Variants in VEGFC observed in about 807,000 individuals in gnomAD.
The protein encoded by VEGFC is FLT4 ligand DHM.
Under a neutral mutation model 46.1 loss-of-function variants are expected in VEGFC, and 12 were observed. The observed-to-expected ratio is 0.26, with a 90% CI of 0.17 to 0.42. The LOEUF (loss-of-function observed/expected upper bound fraction) is 0.42. Among genes scored for constraint, VEGFC ranks in the 10% least tolerant of loss-of-function variants. The pLI is 1.00. For synonymous variants in VEGFC, 232 were observed against 195.5 expected (o/e 1.19, Z -1.56); for missense variants, 488 against 529.4 (o/e 0.92, Z 0.77).
intron 1 of VEGFC, among the ~76,000 whole-genome samples, chr4:176,746,440 A>G (rs796388566): frequency 5.3e-5 from 8 of 152,196 alleles, no homozygotes; most frequent in African/African-American, 1.9e-4. Context: ...AGCCTTGGCT[A>G]TGCAGTTTTT....
rs373237612 is a variant in VEGFC at position 176,687,906 on chromosome 4, G to C, written c.726C>G (p.Thr242=). Residue 242 remains threonine, a synonymous_variant, in exon 5 of 7, where the codon ACC becomes ACG. Coordinates refer to ENST00000618562, the MANE Select transcript of VEGFC (RefSeq NM_005429.5). ...TLPQCQAANK[T]CPTNYMWNNH... is the part of the protein sequence containing the mutation. ...TATTCCACATGTAATTGGTGGGGCA[G>C]GTCTTGTTCGCTGCCTGACACCTTT... 24 of 1,612,854 alleles carry C rather than the reference G, an allele frequency of 1.5e-5. No individual in the cohort carries two copies. The highest frequency in any genetic ancestry group is 2.0e-5 in the Non-Finnish European group (24 of 1,179,474).
At chr4:176,691,197 GT>G (rs561386059) in intron 4 of VEGFC, among the ~76,000 whole-genome samples, 122 of 152,160 alleles carry the variant, frequency 8.0e-4, no homozygotes, top group African/African-American at 2.8e-3. Context: ...ATGGATAGAG[GT>G]TTAGTAAAAT....
intron 1 of VEGFC, among the ~76,000 whole-genome samples, chr4:176,780,828 G>A (rs1301877698): frequency 6.6e-6 from 1 of 152,100 alleles, no homozygotes; most frequent in East Asian, 1.9e-4. Context: ...ACAGATAGAA[G>A]AATAAATGTC....
At chr4:176,757,130 G>A (rs1328456304) in intron 1 of VEGFC, among the ~76,000 whole-genome samples, 1 of 152,022 alleles carries the variant, frequency 6.6e-6, no homozygotes, top group Non-Finnish European at 1.5e-5. Flanking sequence ...GACAGAGTAT[G>A]TTAACAGGTG....
intron 4 of VEGFC, among the ~76,000 whole-genome samples, chr4:176,695,707 G>A (rs59458768): frequency 0.029 from 4,435 of 152,084 alleles, 226 homozygotes; most frequent in African/African-American, 0.1. Context: ...TATCCTTGAT[G>A]AACATTGATG....
At chr4:176,736,258 C>T (rs1039227701) in intron 1 of VEGFC, among the ~76,000 whole-genome samples, 2 of 151,896 alleles carry the variant, frequency 1.3e-5, no homozygotes, top group South Asian at 2.1e-4. Context: ...TAATAAAATG[C>T]CCATATTTTG....
At chr4:176,723,084 A>G (rs1208082542) in intron 3 of VEGFC, among the ~76,000 whole-genome samples, 2 of 152,192 alleles carry the variant, frequency 1.3e-5, no homozygotes, top group Non-Finnish European at 2.9e-5. Context: ...ATGCTTAGGT[A>G]TCTATTTGGC....
Position 176,786,182 on chromosome 4 carries a change from G to A in VEGFC, c.147+5983C>T, listed in dbSNP as rs894921138. Among the ~76,000 whole-genome samples the A allele has an allele frequency of 3.3e-5, 5 of 152,168 alleles. No individual in the cohort carries two copies. The East Asian group carries it at 9.6e-4, about 29-fold the overall frequency. ...AGACACTTCTGTGCAACAATGCCAG[G>A]TTAAGCTCCTTAAAAACCTCACTTT... On this transcript the variant is annotated intron_variant, in intron 1 of 6. Transcript: ENST00000618562.
chr4:176,696,240 G>C (rs574695448), intron 4 of VEGFC, among the ~76,000 whole-genome samples: 19 of 151,088 alleles, frequency 1.3e-4, no homozygotes, highest in Non-Finnish European at 2.4e-4. Flanking sequence ...AAACCCCATT[G>C]TCTCAGCCAA....
At chr4:176,781,701 C>T (rs1478035354) in intron 1 of VEGFC, among the ~76,000 whole-genome samples, 1 of 152,148 alleles carries the variant, frequency 6.6e-6, no homozygotes, top group African/African-American at 2.4e-5. Context: ...ACTCTTGGGG[C>T]AGGGAGGGAC....
chr4:176,718,575 T>C (rs149669108), intron 3 of VEGFC, among the ~76,000 whole-genome samples: 1 of 152,144 alleles, frequency 6.6e-6, no homozygotes, highest in Non-Finnish European at 1.5e-5. Context: ...AAGATGGCAA[T>C]GTAGAATTTA....
At chr4:176,712,613 G>A (rs141909387) in intron 3 of VEGFC, among the ~76,000 whole-genome samples, 1 of 152,248 alleles carries the variant, frequency 6.6e-6, no homozygotes, top group East Asian at 1.9e-4. Context: ...ATTACTTGGT[G>A]TCTTCATGAC....
chr4:176,691,602 C>T (rs1734180426), intron 4 of VEGFC, among the ~76,000 whole-genome samples: 1 of 152,138 alleles, frequency 6.6e-6, no homozygotes, highest in African/African-American at 2.4e-5. Context: ...TTGCTTTATG[C>T]TGGTTAAAAT....
intron 2 of VEGFC, 69 bp downstream of exon 2, chr4:176,729,464 G>A (rs369095208): frequency 1.6e-6 from 2 of 1,247,598 alleles, no homozygotes; most frequent in Middle Eastern, 2.5e-4. Context: ...TGAAATTAAA[G>A]AACCAGGCTG....
chr4:176,760,858 T>C (rs1735517552), intron 1 of VEGFC, among the ~76,000 whole-genome samples: 1 of 152,232 alleles, frequency 6.6e-6, no homozygotes, highest in African/African-American at 2.4e-5. Context: ...CAAATGGCAC[T>C]GATCTTAGCT....
chr4:176,693,771 A>C (rs778290652), intron 4 of VEGFC, among the ~76,000 whole-genome samples: 4,636 of 112,870 alleles, frequency 0.041, 271 homozygotes, highest in African/African-American at 0.13. Context: ...AGACTAACAG[A>C]GGATCTCTCG....
chr4:176,770,923 C>T (rs1735710141), intron 1 of VEGFC, among the ~76,000 whole-genome samples: 1 of 151,714 alleles, frequency 6.6e-6, no homozygotes, highest in Non-Finnish European at 1.5e-5. Context: ...TTCTACCCCT[C>T]TGCCATAATA....
Position 176,755,105 on chromosome 4 carries a change from CGTATAGAT to C in VEGFC, c.148-25367_148-25360del, listed in dbSNP as rs539150570. On this transcript the variant is annotated intron_variant, in intron 1 of 6. Coordinates refer to ENST00000618562, the MANE Select transcript of VEGFC (RefSeq NM_005429.5). The stretch of plus-strand genomic sequence containing the variant: ...TTACTTTCATCTGTTGGTTCCAATT[CGTATAGAT>C]GTATACATTCAGAAATGCATGCAGA... 1.3e-4 allele frequency among the ~76,000 whole-genome samples: 20 copies of C among 152,082 alleles called. No individual in the cohort carries two copies. The South Asian group carries it at 3.9e-3, about 30-fold the overall frequency.
At chr4:176,697,668 A>AT (rs1734344379) in intron 4 of VEGFC, among the ~76,000 whole-genome samples, 1 of 151,938 alleles carries the variant, frequency 6.6e-6, no homozygotes, top group Non-Finnish European at 1.5e-5. Context: ...TCATGCTGCT[A>AT]TAAAGACACA....
Sources: gnomAD v4.1 joint callset for allele counts (sites outside exome capture counted in the v4.1 genomes callset) on GRCh38, gnomAD v4.1.1 for gene constraint, MANE v1.5 for transcripts, NCBI Gene and HGNC (gene_info 2026-07-23, HGNC 2026-07-21) for gene names.